The following SDCCAG8 variants were observed in gnomAD, a reference collection of about 807,000 sequenced individuals.
SDCCAG8 encodes the protein serologically defined colon cancer antigen 8.
Under a neutral mutation model 101.8 loss-of-function variants are expected in SDCCAG8, and 74 were observed. The ratio of observed to expected loss-of-function variants is 0.73; its 90% CI spans 0.60 to 0.88. The LOEUF is 0.88. Ranked by LOEUF, SDCCAG8 falls within the 40% of genes least tolerant of loss-of-function variation. The probability of loss-of-function intolerance (pLI) is 0.00; values close to 1 mark genes in which losing one functional copy is unlikely to be tolerated. For synonymous variants in SDCCAG8, 281 were observed against 292.9 expected, an observed-to-expected ratio of 0.96 and a Z score of 0.41; for missense variants, 787 against 822.6, an observed-to-expected ratio of 0.96 and a Z score of 0.53.
chr1:243,439,132 A>C (rs1414521530), intron 16 of SDCCAG8, among the ~76,000 whole-genome samples: 1 of 152,054 alleles, frequency 6.6e-6, no homozygotes, highest in Non-Finnish European at 1.5e-5. Context: ...AATACTGGTG[A>C]CTGCTTCTTC....
rs1041284158 is a variant in SDCCAG8, at chr1:243,499,852, A to C, written c.*67A>C. 4.7e-6 allele frequency: 7 copies of C among 1,484,146 alleles called. No homozygotes were observed. Among genetic ancestry groups the C allele is most frequent in the Non-Finnish European group, 6.6e-6 (7 of 1,068,250 alleles). The allele number at this position is 1,484,146 out of a possible 1,614,324, so 91.9% of individuals were successfully genotyped here. A position where few individuals can be genotyped will look rare whatever the true frequency, so the allele number is the denominator to read the frequency against. ...ATTTACATTCATCTGGTTTAGACTTAATATGCCACAACGCACCACGACCTT... is the reference window on the plus strand; with the variant it reads ...ATTTACATTCATCTGGTTTAGACTTCATATGCCACAACGCACCACGACCTT... On this transcript the variant is annotated 3_prime_UTR_variant, in exon 18 of 18. Transcript: ENST00000366541.
chr1:243,451,821 C>T (rs1299754432), intron 16 of SDCCAG8, among the ~76,000 whole-genome samples: 1 of 152,140 alleles, frequency 6.6e-6, no homozygotes, highest in African/African-American at 2.4e-5. Context: ...CCCAGCTACT[C>T]AGAAGGCTGA....
chr1:243,479,800 A>G (rs966978913), intron 16 of SDCCAG8, among the ~76,000 whole-genome samples: 6 of 152,130 alleles, frequency 3.9e-5, no homozygotes, highest in Admixed American at 6.5e-5. Context: ...GAAGCCACAC[A>G]AAAATTATTC....
At chr1:243,284,570 A>T (rs2069402686) in intron 4 of SDCCAG8, among the ~76,000 whole-genome samples, 1 of 152,156 alleles carries the variant, frequency 6.6e-6, no homozygotes, top group Non-Finnish European at 1.5e-5. Context: ...AAGTTAGACG[A>T]GATAGCTAGA....
At chr1:243,459,510 G>T (rs1021111769) in intron 16 of SDCCAG8, among the ~76,000 whole-genome samples, 2 of 152,114 alleles carry the variant, frequency 1.3e-5, no homozygotes, top group Non-Finnish European at 2.9e-5. Context: ...AAGGCTTGGG[G>T]GGTGGGGGGT....
At chr1:243,293,251 C>T (rs780216299) in intron 6 of SDCCAG8, 32 bp downstream of exon 6, 5 of 1,601,000 alleles carry the variant, frequency 3.1e-6, no homozygotes, top group Non-Finnish European at 4.3e-6. Flanking sequence ...TCTTATACAT[C>T]TTTTTTTTCT....
At chr1:243,343,909 G>A (rs1452689303) in intron 11 of SDCCAG8, among the ~76,000 whole-genome samples, 1 of 152,218 alleles carries the variant, frequency 6.6e-6, no homozygotes, top group Admixed American at 6.5e-5. Context: ...AAGGTTAGAT[G>A]ATAGTGCATT....
chr1:243,417,896 C>T (rs1285171414), intron 14 of SDCCAG8, 72 bp from the exon 15 acceptor site: 1 of 1,078,910 alleles, frequency 9.3e-7, no homozygotes, highest in African/African-American at 1.6e-5. Context: ...CTTTACCACT[C>T]TATGTATGGA....
chr1:243,485,096 G>T (rs1664537506), intron 16 of SDCCAG8, among the ~76,000 whole-genome samples: 1 of 151,960 alleles, frequency 6.6e-6, no homozygotes, highest in Non-Finnish European at 1.5e-5. Context: ...AGCAAGGCTT[G>T]GTTCGTTTGG....
chr1:243,441,822 T>A (rs1469874787), intron 16 of SDCCAG8, among the ~76,000 whole-genome samples: 1 of 152,218 alleles, frequency 6.6e-6, no homozygotes, highest in Non-Finnish European at 1.5e-5. Flanking sequence ...ACTTTCTGAA[T>A]GTTGTTATAG....
At chr1:243,480,782 TGGATGGGTG>T (rs1311420959) in intron 16 of SDCCAG8, among the ~76,000 whole-genome samples, 1 of 87,566 alleles carries the variant, frequency 1.1e-5, no homozygotes, top group Non-Finnish European at 2.2e-5. Context: ...GTGGGATGGA[TGGATGGGTG>T]GGATGGATGG....
chr1:243,316,392 T>C (rs1477600887), intron 8 of SDCCAG8, among the ~76,000 whole-genome samples: 1 of 152,248 alleles, frequency 6.6e-6, no homozygotes, highest in African/African-American at 2.4e-5. Flanking sequence ...TGTTGACTGC[T>C]ACCTTGATTT....
At chr1:243,363,349 C>T (rs1222206366) in intron 12 of SDCCAG8, among the ~76,000 whole-genome samples, 1 of 152,138 alleles carries the variant, frequency 6.6e-6, no homozygotes, top group African/African-American at 2.4e-5. Flanking sequence ...TACCGATGAA[C>T]CATGTGACAG....
rs537728818 is a variant in SDCCAG8, at chr1:243,423,789, A to C, written c.1854-2638A>C. On this transcript the variant is annotated intron_variant, in intron 15 of 17. Coordinates refer to ENST00000366541, the MANE Select transcript of SDCCAG8 (RefSeq NM_006642.5). The stretch of plus-strand genomic sequence containing the variant: ...CAATATTGCACAGGTGGGTGGAACC[A>C]CCCCTTTAGAGGTGGACTAAGTAAT... Among the ~76,000 whole-genome samples the C allele has an allele frequency of 3.2e-3, 490 of 152,198 alleles. 3 individuals carry two copies. Among genetic ancestry groups the C allele is most frequent in the African/African-American group, 0.012 (482 of 41,562 alleles).
chr1:243,275,039 A>G (rs1051617460), intron 4 of SDCCAG8, among the ~76,000 whole-genome samples: 1 of 152,196 alleles, frequency 6.6e-6, no homozygotes, highest in Non-Finnish European at 1.5e-5. Context: ...GCAATCAGGG[A>G]TTCTAAACTG....
intron 8 of SDCCAG8, 143 bp from the exon 9 acceptor site, chr1:243,316,612 C>T: frequency 1.0e-6 from 1 of 972,900 alleles, no homozygotes; most frequent in Non-Finnish European, 1.6e-6. Flanking sequence ...GAGGGTCTTT[C>T]TCTGGGGTGT....
At chr1:243,481,699 A>C (rs1218149090) in intron 16 of SDCCAG8, among the ~76,000 whole-genome samples, 1 of 152,220 alleles carries the variant, frequency 6.6e-6, no homozygotes, top group Non-Finnish European at 1.5e-5. Context: ...GAGGAAGGAC[A>C]ATCTTAGCTG....
chr1:243,469,188 C>T (rs1435153887), intron 16 of SDCCAG8, among the ~76,000 whole-genome samples: 11 of 152,260 alleles, frequency 7.2e-5, no homozygotes, highest in South Asian at 4.1e-4. Flanking sequence ...ACTTTATTAA[C>T]GGTCGAATTG....
chr1:243,497,364 G>C (rs540341699), intron 17 of SDCCAG8, among the ~76,000 whole-genome samples: 69 of 148,858 alleles, frequency 4.6e-4, no homozygotes, highest in Non-Finnish European at 8.8e-4. Flanking sequence ...AGCAGTGAAC[G>C]GTAAGTTCAA....
Sources: allele counts gnomAD v4.1 joint callset (sites outside exome capture counted in the v4.1 genomes callset), GRCh38; gene constraint gnomAD v4.1.1; transcripts MANE v1.5; gene names NCBI Gene and HGNC (gene_info 2026-07-23, HGNC 2026-07-21).